HEG1: variants seen among roughly 807,000 people sequenced by gnomAD.
HEG1 encodes protein HEG homolog 1.
A neutral mutation model predicts 125.6 loss-of-function variants in HEG1; 56 were observed. That is an observed-to-expected ratio of 0.45 (90% CI 0.36 to 0.56). The LOEUF (loss-of-function observed/expected upper bound fraction) is 0.56. Ranked by LOEUF, HEG1 falls within the 20% of genes least tolerant of loss-of-function variation. HEG1 has a pLI of 0.00. For synonymous variants in HEG1, 644 were observed against 668.5 expected (o/e 0.96, Z 0.57); for missense variants, 1,523 against 1,670.0 (o/e 0.91, Z 1.53).
At chr3:125,018,142 A>G (rs78351843) in intron 5 of HEG1, among the ~76,000 whole-genome samples, 32 of 152,328 alleles carry the variant, frequency 2.1e-4, no homozygotes, top group African/African-American at 7.2e-4. Flanking sequence ...ACATCCATCA[A>G]TTGATGACAA....
chr3:124,986,325 C>A (rs2107690292), intron 14 of HEG1, among the ~76,000 whole-genome samples: 1 of 152,254 alleles, frequency 6.6e-6, no homozygotes, highest in East Asian at 1.9e-4. Flanking sequence ...TGAGTCACAG[C>A]CCCAGGAAGG....
rs149227613 is a variant in HEG1, at chr3:125,045,968, C to T, written c.316+9607G>A. 7.3e-3 allele frequency among the ~76,000 whole-genome samples: 1,109 copies of T among 152,316 alleles called. 11 individuals are homozygous for T. Among genetic ancestry groups the T allele is most frequent in the African/African-American group, 0.017 (704 of 41,574 alleles). ...TGCTCTGTCCAGTTACAAGTGCTTT[C>T]ACAGTCATAATTATATTTGCTCCTC... On this transcript the variant is annotated intron_variant, in intron 1 of 16. Coordinates refer to ENST00000311127, the MANE Select transcript of HEG1 (RefSeq NM_020733.2).
intron 3 of HEG1, among the ~76,000 whole-genome samples, chr3:125,023,329 T>C (rs1937363829): frequency 6.6e-6 from 1 of 152,142 alleles, no homozygotes; most frequent in African/African-American, 2.4e-5. Flanking sequence ...GCCACAGAAA[T>C]ATAATTACAA....
chr3:125,054,985 G>C (rs1282181633), intron 1 of HEG1, among the ~76,000 whole-genome samples: 1 of 152,194 alleles, frequency 6.6e-6, no homozygotes, highest in Non-Finnish European at 1.5e-5. Context: ...GGAAAGGGGA[G>C]GGAGGAGGCT....
At chr3:125,016,065 C>T (rs1012652730) in intron 5 of HEG1, among the ~76,000 whole-genome samples, 3 of 152,132 alleles carry the variant, frequency 2.0e-5, no homozygotes, top group Non-Finnish European at 4.4e-5. Context: ...CCAGGAGAGG[C>T]GCAAGAGCAG....
chr3:124,971,134 T>C (rs544932160), intron 16 of HEG1: 6 of 488,234 alleles, frequency 1.2e-5, no homozygotes, highest in South Asian at 3.1e-5. Context: ...CAGTTGGATC[T>C]CAAAAAAAGG....
chr3:125,039,027 G>A (rs983157421), intron 1 of HEG1, among the ~76,000 whole-genome samples: 6 of 152,166 alleles, frequency 3.9e-5, no homozygotes, highest in African/African-American at 1.4e-4. Context: ...TCCTCATATT[G>A]GAGATTAGAC....
chr3:125,017,211 T>A (rs940862492), intron 5 of HEG1, among the ~76,000 whole-genome samples: 6 of 152,164 alleles, frequency 3.9e-5, no homozygotes, highest in East Asian at 1.9e-4. Flanking sequence ...CGTGCCACTA[T>A]GTCTGGCTAA....
chr3:125,039,434 T>G (rs552431100), intron 1 of HEG1, among the ~76,000 whole-genome samples: 3 of 151,796 alleles, frequency 2.0e-5, no homozygotes, highest in Admixed American at 6.6e-5. Flanking sequence ...TCCAAAGAGG[T>G]AATTTCCTCC....
At position 124,990,805 on chromosome 3, in the gene HEG1, C is replaced by G; in HGVS notation, c.3715G>C (p.Gly1239Arg). 1.9e-6 allele frequency: 3 copies of G among 1,563,776 alleles called. No homozygotes were observed. Among genetic ancestry groups the G allele is most frequent in the Non-Finnish European group, 2.6e-6 (3 of 1,153,334 alleles). ...CACTTACGGTTTCCACAGTTGAGACCACCAAGGCCAAATGGGCAACTGCAA... is the reference window on the plus strand; with the variant it reads ...CACTTACGGTTTCCACAGTTGAGACGACCAAGGCCAAATGGGCAACTGCAA... The part of the protein sequence containing the change: ...TCMSCPFGLG[G>R]LNCGNPYQLI... Residue 1239 changes from glycine to arginine, a missense_variant, in exon 14 of 17, where the codon GGT becomes CGT. Coordinates refer to ENST00000311127, the MANE Select transcript of HEG1 (RefSeq NM_020733.2).
At chr3:124,987,815 C>T (rs1579401153) in intron 14 of HEG1, among the ~76,000 whole-genome samples, 1 of 151,210 alleles carries the variant, frequency 6.6e-6, no homozygotes, top group Non-Finnish European at 1.5e-5. Flanking sequence ...CCACAGCGCC[C>T]GGCCAAGCCT....
chr3:125,001,174 T>A (rs535163987), intron 11 of HEG1, among the ~76,000 whole-genome samples: 1 of 152,102 alleles, frequency 6.6e-6, no homozygotes, highest in South Asian at 2.1e-4. Context: ...TCTGGTTTTG[T>A]TTCTGTGCAT....
At chr3:124,983,501 A>ATTT (rs542232252) in intron 14 of HEG1, among the ~76,000 whole-genome samples, 1 of 138,428 alleles carries the variant, frequency 7.2e-6, no homozygotes. Flanking sequence ...TGCCTGGCTG[A>ATTT]TTTTTTTTTT....
chr3:125,012,553 G>A (rs1040681474), intron 6 of HEG1, 70 bp downstream of exon 6: 24 of 1,427,236 alleles, frequency 1.7e-5, no homozygotes, highest in Admixed American at 2.4e-5. Context: ...CATGAACCCC[G>A]AGCCCCATGT....
At chr3:124,979,877 T>C (rs1444427959) in intron 14 of HEG1, among the ~76,000 whole-genome samples, 2 of 152,216 alleles carry the variant, frequency 1.3e-5, no homozygotes, top group Non-Finnish European at 2.9e-5. Context: ...AGGCAACAGG[T>C]AGACTATGAG....
intron 1 of HEG1, among the ~76,000 whole-genome samples, chr3:125,031,714 ACACACATACACACACAGG>A (rs1482766690): frequency 9.2e-4 from 140 of 151,610 alleles, no homozygotes; most frequent in Non-Finnish European, 1.8e-3. Flanking sequence ...CCCCCCACAC[ACACACATACACACACAGG>A]CACACATACA....
chr3:124,978,846 A>T (rs893129585), intron 14 of HEG1, among the ~76,000 whole-genome samples: 1 of 90,530 alleles, frequency 1.1e-5, no homozygotes. Context: ...AATAAATAAA[A>T]AAGTAATGGA....
At chr3:124,987,596 C>T (rs1237752845) in intron 14 of HEG1, among the ~76,000 whole-genome samples, 1 of 146,182 alleles carries the variant, frequency 6.8e-6, no homozygotes, top group African/African-American at 2.6e-5. Flanking sequence ...TATCCCGGCT[C>T]ACTGCAAGCT....
chr3:125,006,824 G>A (rs1937077318), intron 8 of HEG1, among the ~76,000 whole-genome samples: 2 of 152,206 alleles, frequency 1.3e-5, no homozygotes, highest in South Asian at 4.1e-4. Context: ...CCCTCTGCAC[G>A]CAGGCTTCCA....
Sources: gnomAD v4.1 joint callset for allele counts (sites outside exome capture counted in the v4.1 genomes callset) on GRCh38, gnomAD v4.1.1 for gene constraint, MANE v1.5 for transcripts, NCBI Gene and HGNC (gene_info 2026-07-23, HGNC 2026-07-21) for gene names.